PDPR: variants seen among roughly 807,000 people sequenced by gnomAD.
PDPR encodes the protein pyruvate dehydrogenase phosphatase regulatory subunit.
A neutral mutation model predicts 102.2 loss-of-function variants in PDPR; 50 were observed. That is an observed-to-expected ratio of 0.49 (90% CI 0.39 to 0.62). The LOEUF is 0.62. Ranked by LOEUF, PDPR falls within the 20% of genes least tolerant of loss-of-function variation. PDPR has a pLI of 0.00. For synonymous variants in PDPR, 259 were observed against 406.0 expected (o/e 0.64, Z 4.35); for missense variants, 625 against 1,098.2 (o/e 0.57, Z 6.09).
intron 17 of PDPR, among the ~76,000 whole-genome samples, 184 bp from the exon 18 acceptor site, chr16:70,153,207 G>C (rs1346184158): frequency 3.9e-5 from 6 of 152,284 alleles, no homozygotes; most frequent in Non-Finnish European, 7.3e-5. Flanking sequence ...AGTCCAGGCT[G>C]GGGTGACCCC....
chr16:70,114,536 G>A (rs1358764317), intron 1 of PDPR, 96 bp downstream of exon 1: 1 of 152,184 alleles, frequency 6.6e-6, no homozygotes, highest in Non-Finnish European at 1.5e-5. Flanking sequence ...CTTTGGTTTC[G>A]CCCGGGGGTG....
Position 70,141,929 on chromosome 16 carries a change from G to A in PDPR, c.1316-305G>A, listed in dbSNP as rs539861546. 1.8e-3 allele frequency among the ~76,000 whole-genome samples: 274 copies of A among 152,290 alleles called. 1 individual carries two copies. The highest frequency in any genetic ancestry group is 5.6e-3 in the African/African-American group (231 of 41,538). ...AGCCTGACCAACATGGAGAAACCCT[G>A]TCTCTACTAAAAATACAAAAATTAG... On this transcript the variant is annotated intron_variant, in intron 11 of 18. Transcript: ENST00000288050.
intron 10 of PDPR, among the ~76,000 whole-genome samples, chr16:70,137,349 C>CGCA (rs1437041150): frequency 6.6e-6 from 1 of 152,204 alleles, no homozygotes; most frequent in Non-Finnish European, 1.5e-5. Context: ...GAGCGAGACT[C>CGCA]TATCTCAATA....
chr16:70,148,994 A>T (rs1427072843), intron 17 of PDPR, among the ~76,000 whole-genome samples: 3 of 151,604 alleles, frequency 2.0e-5, no homozygotes, highest in Non-Finnish European at 4.4e-5. Context: ...TCTTGGGCTC[A>T]AGCCACCCTC....
intron 17 of PDPR, among the ~76,000 whole-genome samples, chr16:70,148,962 G>A (rs1337607386): frequency 4.8e-4 from 73 of 151,394 alleles, no homozygotes; most frequent in African/African-American, 1.5e-3. Flanking sequence ...TGGCATGACC[G>A]TGGCTCACTG....
intron 3 of PDPR, among the ~76,000 whole-genome samples, chr16:70,126,018 G>A (rs949722788): frequency 6.6e-6 from 1 of 152,268 alleles, no homozygotes; most frequent in East Asian, 1.9e-4. Context: ...AAGCAATTAT[G>A]TGTTGGTAGG....
chr16:70,116,429 G>A (rs986005709), intron 2 of PDPR, among the ~76,000 whole-genome samples: 5 of 148,910 alleles, frequency 3.4e-5, no homozygotes, highest in African/African-American at 1.0e-4. Context: ...ACCCAGGCAG[G>A]AGTGCAGTAG....
chr16:70,130,279 C>G, intron 6 of PDPR, 144 bp from the exon 7 acceptor site: 1 of 1,063,672 alleles, frequency 9.4e-7, no homozygotes, highest in Non-Finnish European at 1.3e-6. Context: ...CAAAGCAAGA[C>G]TCCATCTCAA....
intron 14 of PDPR, among the ~76,000 whole-genome samples, chr16:70,144,180 T>C (rs2152108349): frequency 6.6e-6 from 1 of 150,662 alleles, no homozygotes; most frequent in South Asian, 2.2e-4. Context: ...TGTGAGCCAC[T>C]GTGCCCAGCC....
downstream of PDPR, among the ~76,000 whole-genome samples, chr16:70,162,910 A>G (rs1967916525): frequency 6.6e-6 from 1 of 152,218 alleles, no homozygotes; most frequent in Non-Finnish European, 1.5e-5. Context: ...CTTTTTCTAC[A>G]CCAGCTTCCA....
At chr16:70,147,919 A>G (rs1966369365) in intron 16 of PDPR, among the ~76,000 whole-genome samples, 1 of 152,182 alleles carries the variant, frequency 6.6e-6, no homozygotes, top group African/African-American at 2.4e-5. Context: ...GCTGTCCAGG[A>G]CTTTCCACTT....
At chr16:70,128,203 G>A (rs1462160980) in intron 4 of PDPR, among the ~76,000 whole-genome samples, 9 of 151,752 alleles carry the variant, frequency 5.9e-5, no homozygotes, top group African/African-American at 1.7e-4. Context: ...AGGGATGGTC[G>A]AATCCCTGCC....
intron 9 of PDPR, among the ~76,000 whole-genome samples, chr16:70,133,658 TCTGC>T (rs2152085580): frequency 6.6e-6 from 1 of 152,304 alleles, no homozygotes; most frequent in South Asian, 2.1e-4. Flanking sequence ...CCTCAAGTGA[TCTGC>T]CTGCCTTGGT....
intron 2 of PDPR, among the ~76,000 whole-genome samples, chr16:70,116,025 C>A (rs1448833637): frequency 6.6e-6 from 1 of 150,408 alleles, no homozygotes; most frequent in Admixed American, 6.6e-5. Flanking sequence ...CATGCCCTCA[C>A]CACTTCACTC....
chr16:70,126,546 G>A (rs779278139), intron 3 of PDPR, among the ~76,000 whole-genome samples: 1 of 152,188 alleles, frequency 6.6e-6, no homozygotes, highest in Non-Finnish European at 1.5e-5. Flanking sequence ...TGTATTTTTT[G>A]TAGAGACGGG....
intron 11 of PDPR, among the ~76,000 whole-genome samples, chr16:70,141,059 A>AT (rs1267986983): frequency 2.1e-4 from 31 of 150,604 alleles, no homozygotes; most frequent in Non-Finnish European, 2.8e-4. Context: ...AGGGAAATGA[A>AT]TTTTTTTTTT....
intron 11 of PDPR, among the ~76,000 whole-genome samples, chr16:70,139,930 T>TGG (rs1467642646): frequency 2.6e-5 from 4 of 152,390 alleles, no homozygotes; most frequent in Non-Finnish European, 4.4e-5. Context: ...CTTTAATGCC[T>TGG]GAGTGCTCAC....
chr16:70,122,850 C>T lies in PDPR; in HGVS notation c.227+2131C>T, dbSNP rs573362424. Among the ~76,000 whole-genome samples the T allele has an allele frequency of 1.0e-4, 15 of 147,454 alleles. No homozygotes were observed. The South Asian group carries it at 2.6e-3, about 25-fold the overall frequency. ...TTACTCAGTTATATATCTGTATACA[C>T]ACATACACACACACACACCAGTTTA... On this transcript the variant is annotated intron_variant, in intron 3 of 18. Coordinates refer to ENST00000288050, the MANE Select transcript of PDPR (RefSeq NM_017990.5).
At chr16:70,130,934 C>G (rs1964478349) in intron 7 of PDPR, among the ~76,000 whole-genome samples, 1 of 152,270 alleles carries the variant, frequency 6.6e-6, no homozygotes, top group African/African-American at 2.4e-5. Flanking sequence ...TTGGCTCTTG[C>G]CTTCCATGCT....
Sources: allele counts gnomAD v4.1 joint callset (sites outside exome capture counted in the v4.1 genomes callset), GRCh38; gene constraint gnomAD v4.1.1; transcripts MANE v1.5; gene names NCBI Gene and HGNC (gene_info 2026-07-23, HGNC 2026-07-21).